RBFOX1: variants seen among roughly 807,000 people sequenced by gnomAD.
The protein encoded by RBFOX1 is RNA binding protein fox-1 homolog 1.
Under a neutral mutation model 57.7 loss-of-function variants are expected in RBFOX1, and 8 were observed. The ratio of observed to expected loss-of-function variants is 0.14; its 90% CI spans 0.08 to 0.25. RBFOX1 has a LOEUF of 0.25. Among genes scored for constraint, RBFOX1 ranks in the 10% least tolerant of loss-of-function variants. The pLI is 1.00. For missense variants in RBFOX1, 611 were observed against 548.5 expected, an observed-to-expected ratio of 1.11 and a Z score of -1.14; for synonymous variants, 326 against 222.4, an observed-to-expected ratio of 1.47 and a Z score of -4.15.
At chr16:5,538,129 A>C (rs2044773793) in intron 2 of RBFOX1, among the ~76,000 whole-genome samples, 1 of 152,176 alleles carries the variant, frequency 6.6e-6, no homozygotes, top group African/African-American at 2.4e-5. Flanking sequence ...AACATTGAGG[A>C]GACATCGGTA....
intron 3 of RBFOX1, among the ~76,000 whole-genome samples, chr16:6,787,219 T>A (rs1366990384): frequency 6.6e-6 from 1 of 152,094 alleles, no homozygotes; most frequent in East Asian, 1.9e-4. Context: ...ATAAGCTGGA[T>A]AAAGCAGGCA....
intron 4 of RBFOX1, among the ~76,000 whole-genome samples, chr16:7,451,588 T>C (rs1191193225): frequency 6.6e-6 from 1 of 152,158 alleles, no homozygotes; most frequent in Non-Finnish European, 1.5e-5. Flanking sequence ...GGCTTCTAAA[T>C]TCCTGGTGAG....
chr16:7,203,688 T>G (rs1049076448), intron 4 of RBFOX1, among the ~76,000 whole-genome samples: 1 of 152,142 alleles, frequency 6.6e-6, no homozygotes, highest in Non-Finnish European at 1.5e-5. Flanking sequence ...CTAGTCCACA[T>G]TTTGGTTAAT....
intron 3 of RBFOX1, among the ~76,000 whole-genome samples, chr16:5,788,326 G>A (rs927087716): frequency 5.3e-5 from 8 of 152,132 alleles, no homozygotes; most frequent in South Asian, 4.1e-4. Flanking sequence ...CAACAAAAGC[G>A]TCTTTTGAAG....
chr16:5,886,283 T>G (rs1003175772), intron 4 of RBFOX1, among the ~76,000 whole-genome samples: 10 of 152,216 alleles, frequency 6.6e-5, no homozygotes, highest in African/African-American at 2.4e-4. Context: ...CCCTCTGTCC[T>G]TATCTGTAAA....
chr16:7,396,541 C>T (rs1026142382), intron 4 of RBFOX1, among the ~76,000 whole-genome samples: 3 of 152,234 alleles, frequency 2.0e-5, no homozygotes, highest in African/African-American at 4.8e-5. Context: ...TAATACTCTG[C>T]GGACCTCACG....
chr16:6,628,353 G>C (rs776793129), intron 2 of RBFOX1, among the ~76,000 whole-genome samples: 1 of 152,168 alleles, frequency 6.6e-6, no homozygotes, highest in Non-Finnish European at 1.5e-5. Flanking sequence ...CCCAACAGCA[G>C]GATGTGATTT....
intron 2 of RBFOX1, among the ~76,000 whole-genome samples, chr16:5,585,086 A>G (rs1484927242): frequency 6.6e-6 from 1 of 152,130 alleles, no homozygotes; most frequent in South Asian, 2.1e-4. Flanking sequence ...ACAGTGTTGT[A>G]CAGCCGTCAC....
At position 7,597,389 on chromosome 16, in the gene RBFOX1, C is replaced by T. The variant is rs1236617150; in HGVS notation, c.580C>T (p.Arg194Cys). 1 of 1,610,574 alleles carries T rather than the reference C, an allele frequency of 6.2e-7. No individual in the cohort carries two copies. Among genetic ancestry groups the T allele is most frequent in the African/African-American group, 1.3e-5 (1 of 74,866 alleles). Residue 194 changes from arginine to cysteine, a missense_variant, in exon 9 of 16, where the codon CGT becomes TGT. Transcript: ENST00000550418. ...TACATAGGTAAATAATGCCACAGCA[C>T]GTGTAATGACAAATAAAAAGACCGT... is the stretch of plus-strand genomic sequence containing the variant. ...RKIEVNNATA[R>C]VMTNKKTVNP... is the part of the protein sequence containing the mutation.
At chr16:6,333,752 T>A (rs1450970782) in intron 2 of RBFOX1, among the ~76,000 whole-genome samples, 2 of 152,234 alleles carry the variant, frequency 1.3e-5, no homozygotes, top group Non-Finnish European at 2.9e-5. Context: ...AGATGTTACA[T>A]CAACGAATGG....
At chr16:6,339,482 G>A (rs1374171504) in intron 2 of RBFOX1, among the ~76,000 whole-genome samples, 5 of 152,256 alleles carry the variant, frequency 3.3e-5, no homozygotes, top group East Asian at 1.9e-4. Flanking sequence ...GGGCTAAAAT[G>A]TGGAGATCAT....
At chr16:6,934,947 G>A (rs1488840713) in intron 3 of RBFOX1, among the ~76,000 whole-genome samples, 2 of 152,028 alleles carry the variant, frequency 1.3e-5, no homozygotes, top group Non-Finnish European at 2.9e-5. Context: ...AATTAGCTTG[G>A]CCTGGTGGCA....
intron 4 of RBFOX1, among the ~76,000 whole-genome samples, chr16:7,285,361 A>G (rs2095629274): frequency 6.6e-6 from 1 of 151,064 alleles, no homozygotes; most frequent in Non-Finnish European, 1.5e-5. Context: ...AAATTTCCCC[A>G]ATGTTACTTG....
intron 1 of RBFOX1, among the ~76,000 whole-genome samples, chr16:6,158,218 G>A (rs1405293810): frequency 6.6e-6 from 1 of 152,304 alleles, no homozygotes; most frequent in Non-Finnish European, 1.5e-5. Context: ...GCAACTGTCC[G>A]GCGGGGCCTT....
chr16:6,706,889 T>C (rs991560036), intron 3 of RBFOX1, among the ~76,000 whole-genome samples: 4 of 152,116 alleles, frequency 2.6e-5, no homozygotes, highest in African/African-American at 9.7e-5. Flanking sequence ...CTCAGAGAAC[T>C]CCTGTTTTTT....
At chr16:6,580,913 T>A (rs1315983940) in intron 2 of RBFOX1, among the ~76,000 whole-genome samples, 2 of 40,126 alleles carry the variant, frequency 5.0e-5, no homozygotes, top group Non-Finnish European at 5.2e-5. Flanking sequence ...GCTTGCTTTT[T>A]TTTTTTTTTT....
intron 3 of RBFOX1, among the ~76,000 whole-genome samples, chr16:6,922,297 A>C (rs987274586): frequency 5.3e-5 from 8 of 152,122 alleles, no homozygotes. Context: ...AGATATTGGA[A>C]AGCACTGGTT....
At chr16:7,570,605 T>C (rs7498500) in intron 5 of RBFOX1, among the ~76,000 whole-genome samples, 59,146 of 152,070 alleles carry the variant, frequency 0.39, 11,883 homozygotes, top group South Asian at 0.53. Flanking sequence ...TAGAGTTTTA[T>C]TGCAGAGCTA....
intron 4 of RBFOX1, among the ~76,000 whole-genome samples, chr16:7,482,268 C>G (rs925262712): frequency 3.9e-5 from 6 of 152,210 alleles, no homozygotes; most frequent in African/African-American, 4.8e-5. Flanking sequence ...TGCAATCATC[C>G]TCATTAATTC....
Sources: allele counts gnomAD v4.1 joint callset (sites outside exome capture counted in the v4.1 genomes callset), GRCh38; gene constraint gnomAD v4.1.1; transcripts MANE v1.5; gene names NCBI Gene and HGNC (gene_info 2026-07-23, HGNC 2026-07-21).